The following RHEB variants were observed in gnomAD, a reference collection of about 807,000 sequenced individuals.
The protein encoded by RHEB is Ras homolog, mTORC1 binding.
In RHEB, 2 loss-of-function variants were observed where a neutral mutation model predicts 28.8. The ratio of observed to expected loss-of-function variants is 0.07; its 90% CI spans 0.03 to 0.22. The LOEUF (loss-of-function observed/expected upper bound fraction) is 0.22. Among genes scored for constraint, RHEB ranks in the 10% least tolerant of loss-of-function variants. The probability of loss-of-function intolerance (pLI) is 1.00; values close to 1 mark genes in which losing one functional copy is unlikely to be tolerated. For missense variants in RHEB, 76 were observed against 219.9 expected (o/e 0.35, Z 4.14); for synonymous variants, 69 against 77.3 (o/e 0.89, Z 0.56).
chr7:151,477,466 C>G, intron 3 of RHEB, 51 bp from the exon 4 acceptor site: 1 of 1,045,436 alleles, frequency 9.6e-7, no homozygotes, highest in Non-Finnish European at 1.4e-6. Context: ...GCATCACAAA[C>G]AAACTTTACC....
At chr7:151,496,450 T>C (rs1802675070) in intron 1 of RHEB, among the ~76,000 whole-genome samples, 2 of 152,124 alleles carry the variant, frequency 1.3e-5, no homozygotes, top group South Asian at 4.2e-4. Flanking sequence ...GTCAATATAC[T>C]GAGCCATGAC....
intron 1 of RHEB, among the ~76,000 whole-genome samples, chr7:151,498,855 G>A (rs1228215599): frequency 1.3e-5 from 2 of 152,174 alleles, no homozygotes; most frequent in Non-Finnish European, 2.9e-5. Flanking sequence ...CCTAACAGCT[G>A]TATTTTTACA....
chr7:151,474,978 T>A (rs774978868), intron 4 of RHEB, among the ~76,000 whole-genome samples: 1 of 152,232 alleles, frequency 6.6e-6, no homozygotes, highest in Admixed American at 6.5e-5. Flanking sequence ...AGAATGCTCA[T>A]TAAACTATGA....
intron 1 of RHEB, chr7:151,518,130 AT>A (rs1803114768): frequency 6.6e-6 from 1 of 152,134 alleles, no homozygotes; most frequent in Admixed American, 6.5e-5. Context: ...ATCCCCTCGG[AT>A]TCAGCACCGC....
At chr7:151,501,868 A>C (rs1425143103) in intron 1 of RHEB, 13 of 614,248 alleles carry the variant, frequency 2.1e-5, no homozygotes, top group Non-Finnish European at 3.7e-5. Flanking sequence ...AGGGAAGAGG[A>C]GGCAAGAAGA....
At chr7:151,471,911 AC>A in intron 4 of RHEB, 1 of 323,818 alleles carries the variant, frequency 3.1e-6, no homozygotes, top group Non-Finnish European at 5.6e-6. Flanking sequence ...TCAGCAAAGA[AC>A]CAACTGTTTA....
At chr7:151,480,643 A>C (rs1384929526) in intron 3 of RHEB, among the ~76,000 whole-genome samples, 1 of 151,946 alleles carries the variant, frequency 6.6e-6, no homozygotes, top group Non-Finnish European at 1.5e-5. Context: ...TGGTTACATT[A>C]TAAGATGGAT....
intron 1 of RHEB, among the ~76,000 whole-genome samples, chr7:151,505,700 A>T (rs886832239): frequency 1.3e-5 from 2 of 152,260 alleles, no homozygotes; most frequent in Admixed American, 6.5e-5. Context: ...ATTTACTCAA[A>T]ATGCTCATAA....
chr7:151,492,805 C>T (rs1428488150), intron 1 of RHEB, among the ~76,000 whole-genome samples: 1 of 151,338 alleles, frequency 6.6e-6, no homozygotes, highest in Non-Finnish European at 1.5e-5. Flanking sequence ...TCTCTGCTTC[C>T]AATCCTCATT....
At chr7:151,509,578 C>A (rs572776380) in intron 1 of RHEB, among the ~76,000 whole-genome samples, 1 of 152,162 alleles carries the variant, frequency 6.6e-6, no homozygotes, top group Non-Finnish European at 1.5e-5. Context: ...ATCTACTCTG[C>A]GCCTTGGCTG....
intron 1 of RHEB, among the ~76,000 whole-genome samples, chr7:151,496,962 T>G (rs917314101): frequency 6.8e-6 from 1 of 147,116 alleles, no homozygotes; most frequent in African/African-American, 2.7e-5. Flanking sequence ...TTTTTTTTTT[T>G]GTATTTTTAG....
At position 151,477,432 on chromosome 7, in the gene RHEB, T is replaced by C. The variant is rs368938412; in HGVS notation, c.193-17A>G. 1.4e-6 allele frequency: 2 copies of C among 1,459,038 alleles called. No homozygotes were observed. The highest frequency in any genetic ancestry group is 1.9e-6 in the Non-Finnish European group (2 of 1,058,522). The allele number at this position is 1,459,038 out of a possible 1,614,324, so 90.4% of individuals were successfully genotyped here. A position where few individuals can be genotyped will look rare whatever the true frequency, so the allele number is the denominator to read the frequency against. ...ATATTCATCCTGTGGGGAAAAAAAA[T>C]TATCTTTGAGTAGTCTTCATATAGC... is the stretch of plus-strand genomic sequence containing the variant. On this transcript the variant is annotated splice_polypyrimidine_tract_variant and intron_variant, in intron 3 of 7. Coordinates refer to ENST00000262187, the MANE Select transcript of RHEB (RefSeq NM_005614.4).
chr7:151,470,889 G>A (rs761632651), intron 6 of RHEB, among the ~76,000 whole-genome samples: 6 of 152,176 alleles, frequency 3.9e-5, no homozygotes, highest in Non-Finnish European at 5.9e-5. Flanking sequence ...AAACCTTCCA[G>A]CTCAGAGAAC....
At chr7:151,488,569 G>A (rs1004616157) in intron 2 of RHEB, among the ~76,000 whole-genome samples, 2 of 152,162 alleles carry the variant, frequency 1.3e-5, no homozygotes, top group African/African-American at 2.4e-5. Context: ...GGAAAGGGTG[G>A]GCGAAGGGCT....
intron 1 of RHEB, among the ~76,000 whole-genome samples, chr7:151,505,169 C>CAA (rs36108780): frequency 7.0e-6 from 1 of 142,522 alleles, no homozygotes; most frequent in East Asian, 2.0e-4. Context: ...ATAAACAAAA[C>CAA]AAAAAAAAAA....
At chr7:151,503,529 A>G in intron 1 of RHEB, 1 of 682,572 alleles carries the variant, frequency 1.5e-6, no homozygotes, top group Non-Finnish European at 2.6e-6. Context: ...CCATGGTGGA[A>G]TTCTAACAGA....
rs1802107827 is a variant in RHEB at position 151,468,622 on chromosome 7, T to C, written c.463-1411A>G. ...CAGCTGAAAACCTTGTTTTACACACTTCACTGGAAAACAGAAGCCACATTC... is the reference window on the plus strand; with the variant it reads ...CAGCTGAAAACCTTGTTTTACACACCTCACTGGAAAACAGAAGCCACATTC... On this transcript the variant is annotated intron_variant, in intron 7 of 7. Coordinates refer to ENST00000262187, the MANE Select transcript of RHEB (RefSeq NM_005614.4). The surrounding 1 kb of genome is among the most constrained non-coding windows in gnomAD (Gnocchi z 4.3). Among the ~76,000 whole-genome samples, 1 of 152,244 alleles carries C rather than the reference T, an allele frequency of 6.6e-6. No homozygotes were observed. The highest frequency in any genetic ancestry group is 6.5e-5 in the Admixed American group (1 of 15,284).
chr7:151,489,971 A>T (rs1235800071), intron 2 of RHEB, among the ~76,000 whole-genome samples: 1 of 152,192 alleles, frequency 6.6e-6, no homozygotes. Flanking sequence ...CTAATATGCC[A>T]ATCAGGTGTT....
At chr7:151,499,850 C>T (rs1802741543) in intron 1 of RHEB, among the ~76,000 whole-genome samples, 1 of 152,192 alleles carries the variant, frequency 6.6e-6, no homozygotes, top group Non-Finnish European at 1.5e-5. Flanking sequence ...CCTCGGTTGC[C>T]CAGGCTGGAG....
Sources: gnomAD v4.1 joint callset for allele counts (sites outside exome capture counted in the v4.1 genomes callset) on GRCh38, gnomAD v4.1.1 for gene constraint, Gnocchi (gnomAD v3.1) non-coding constraint, MANE v1.5 for transcripts, NCBI Gene and HGNC (gene_info 2026-07-23, HGNC 2026-07-21) for gene names.